Variants in ZSWIM5 observed in about 807,000 individuals in gnomAD.
The protein encoded by ZSWIM5 is zinc finger SWIM-type containing 5.
A neutral mutation model predicts 119.6 loss-of-function variants in ZSWIM5; 55 were observed. That is an observed-to-expected ratio of 0.46 (90% confidence interval 0.37 to 0.58). The LOEUF (loss-of-function observed/expected upper bound fraction) is 0.58, where lower values mean the gene tolerates loss of function less well. Among genes scored for constraint, ZSWIM5 ranks in the 20% least tolerant of loss-of-function variants. The pLI is 0.00. For synonymous variants in ZSWIM5, 537 were observed against 606.9 expected (o/e 0.88, Z 1.69); for missense variants, 1,193 against 1,512.8 (o/e 0.79, Z 3.51).
At chr1:45,122,427 C>A (rs572800316) in intron 1 of ZSWIM5, among the ~76,000 whole-genome samples, 2 of 152,302 alleles carry the variant, frequency 1.3e-5, no homozygotes, top group East Asian at 1.9e-4. Flanking sequence ...CCATTAGTAA[C>A]TTCTTCTGGG....
chr1:45,158,970 AATTTAT>A (rs1216815206), intron 1 of ZSWIM5, among the ~76,000 whole-genome samples: 1 of 152,184 alleles, frequency 6.6e-6, no homozygotes, highest in Non-Finnish European at 1.5e-5. Context: ...AAAGGTGAAT[AATTTAT>A]ATTAGGCTAC....
chr1:45,190,535 C>T (rs919537194), intron 1 of ZSWIM5, among the ~76,000 whole-genome samples: 2 of 152,090 alleles, frequency 1.3e-5, no homozygotes, highest in Non-Finnish European at 2.9e-5. Context: ...AGGAGCGGTT[C>T]CCTTATAGGG....
At chr1:45,100,851 A>G (rs991889508) in intron 1 of ZSWIM5, among the ~76,000 whole-genome samples, 93 of 152,376 alleles carry the variant, frequency 6.1e-4, no homozygotes, top group Non-Finnish European at 9.8e-4. Flanking sequence ...AGCCATATGT[A>G]GAAAGCTGAA....
intron 2 of ZSWIM5, among the ~76,000 whole-genome samples, chr1:45,063,031 T>C (rs1645162344): frequency 6.6e-6 from 1 of 152,200 alleles, no homozygotes; most frequent in African/African-American, 2.4e-5. Flanking sequence ...TGACCATGTG[T>C]AACCAATGCT....
Position 45,036,431 on chromosome 1 carries a change from T to C in ZSWIM5, c.1895-132A>G, listed in dbSNP as rs920420137. ...GTACAGTGGTGCAATCTCAGCTCACTGCAGCCTCCGCCTCCCCGGTTCAAG... is the reference window on the plus strand; with the variant it reads ...GTACAGTGGTGCAATCTCAGCTCACCGCAGCCTCCGCCTCCCCGGTTCAAG... On this transcript the variant is annotated intron_variant, in intron 8 of 13. Transcript: ENST00000359600. 9 of 1,304,988 alleles carry C rather than the reference T, an allele frequency of 6.9e-6. No homozygotes were observed. In the Admixed American group the frequency reaches 2.0e-4, roughly 29 times the overall value. The allele number at this position is 1,304,988 out of a possible 1,614,324, so 80.8% of individuals were successfully genotyped here. A position where few individuals can be genotyped will look rare whatever the true frequency, so the allele number is the denominator to read the frequency against.
intron 5 of ZSWIM5, among the ~76,000 whole-genome samples, chr1:45,044,202 A>AAGAG (rs35643162): frequency 0.78 from 112,272 of 143,698 alleles, 44,407 homozygotes; most frequent in South Asian, 0.94. Flanking sequence ...AAAAAAAAAA[A>AAGAG]AGAGAGAGAG....
At chr1:45,181,331 T>C (rs917800628) in intron 1 of ZSWIM5, among the ~76,000 whole-genome samples, 2 of 151,796 alleles carry the variant, frequency 1.3e-5, no homozygotes, top group African/African-American at 4.8e-5. Context: ...AGAAAGGGTA[T>C]CAGTGATGGA....
In ZSWIM5 at chr1:45,205,935, G is replaced by T; in HGVS notation, c.416C>A (p.Pro139Gln). The change falls in exon 1 of 14, where the codon CCG becomes CAG. Residue 139 changes from proline to glutamine, a missense_variant. Transcript: ENST00000359600. ...AGCGGCGGCCCCGGGGGGTGGCTGC[G>T]GCCCCTCCTCGGCCGGCGAAGCCCC... The part of the protein sequence containing the change: ...AAGASPAEEG[P>Q]QPPPGAAAPA... 1 of 1,186,940 alleles carries T rather than the reference G, an allele frequency of 8.4e-7. No individual in the cohort carries two copies. The highest frequency in any genetic ancestry group is 1.0e-6 in the Non-Finnish European group (1 of 957,072). 73.5% of individuals were successfully genotyped at this position (1,186,940 alleles called of 1,614,324 possible).
At chr1:45,040,937 G>T (rs1447548699) in intron 6 of ZSWIM5, among the ~76,000 whole-genome samples, 1 of 152,130 alleles carries the variant, frequency 6.6e-6, no homozygotes, top group African/African-American at 2.4e-5. Flanking sequence ...GCTGGGCAAA[G>T]AAAGTACAAA....
Position 45,046,819 on chromosome 1 carries a change from T to C in ZSWIM5, c.1433-3424A>G, listed in dbSNP as rs1217224348. Reference sequence around the variant, plus strand: ...GGTGAGCGGATCAGAAGGTCAAGAGTTCGAGACCAGCCAGGCTAACATAGT... The same window carrying C: ...GGTGAGCGGATCAGAAGGTCAAGAGCTCGAGACCAGCCAGGCTAACATAGT... On this transcript the variant is annotated intron_variant, in intron 5 of 13. Coordinates refer to ENST00000359600, the MANE Select transcript of ZSWIM5 (RefSeq NM_020883.2). Among the ~76,000 whole-genome samples, 89 of 150,762 alleles carry C rather than the reference T, an allele frequency of 5.9e-4. 1 individual carries two copies. The highest frequency in any genetic ancestry group is 8.9e-5 in the Non-Finnish European group (6 of 67,740).
At chr1:45,031,766 G>A (rs1159177396) in intron 11 of ZSWIM5, among the ~76,000 whole-genome samples, 3 of 151,328 alleles carry the variant, frequency 2.0e-5, no homozygotes, top group Non-Finnish European at 4.4e-5. Context: ...CATGAACCTA[G>A]GGGGTGGAGC....
chr1:45,118,119 G>A (rs1645569957), intron 1 of ZSWIM5, among the ~76,000 whole-genome samples: 2 of 151,832 alleles, frequency 1.3e-5, no homozygotes, highest in African/African-American at 4.8e-5. Flanking sequence ...AAAAATTCTT[G>A]TTGTAAATCT....
rs533482404 is a variant in ZSWIM5, at chr1:45,191,867, T to A, written c.595+13889A>T. On this transcript the variant is annotated intron_variant, in intron 1 of 13. Coordinates refer to ENST00000359600, the MANE Select transcript of ZSWIM5 (RefSeq NM_020883.2). ...ATAGCTTTATTATATAATTCATACATAATAGAGCTCACCCTTGAGAGGTAC... is the reference window on the plus strand; with the variant it reads ...ATAGCTTTATTATATAATTCATACAAAATAGAGCTCACCCTTGAGAGGTAC... Among the ~76,000 whole-genome samples the A allele has an allele frequency of 8.1e-4, 123 of 152,364 alleles. 1 individual carries two copies. The South Asian group carries it at 0.025, about 31-fold the overall frequency.
At chr1:45,157,911 A>G (rs1451416540) in intron 1 of ZSWIM5, among the ~76,000 whole-genome samples, 15 of 152,124 alleles carry the variant, frequency 9.9e-5, no homozygotes, top group Non-Finnish European at 1.5e-5. Flanking sequence ...CATTTCCCTG[A>G]TGACTAATGA....
chr1:45,158,930 A>G (rs1490404573), intron 1 of ZSWIM5, among the ~76,000 whole-genome samples: 3 of 152,196 alleles, frequency 2.0e-5, no homozygotes, highest in Non-Finnish European at 4.4e-5. Flanking sequence ...AAATCAAATG[A>G]AATTCAGCTG....
chr1:45,184,261 A>C (rs1352167702), intron 1 of ZSWIM5, among the ~76,000 whole-genome samples: 1 of 152,078 alleles, frequency 6.6e-6, no homozygotes, highest in Non-Finnish European at 1.5e-5. Context: ...AAATAATAAG[A>C]GCTATCTATG....
chr1:45,135,708 T>C (rs1645685122), intron 1 of ZSWIM5, among the ~76,000 whole-genome samples: 1 of 152,224 alleles, frequency 6.6e-6, no homozygotes, highest in Non-Finnish European at 1.5e-5. Context: ...CCATTTTTTT[T>C]CTTTGACTTT....
chr1:45,086,754 A>G (rs1336202332), intron 2 of ZSWIM5, among the ~76,000 whole-genome samples: 8 of 152,184 alleles, frequency 5.3e-5, no homozygotes, highest in Non-Finnish European at 1.2e-4. Context: ...CACCTCGTGC[A>G]CATGTACCCC....
chr1:45,127,903 G>A (rs1451177908), intron 1 of ZSWIM5, among the ~76,000 whole-genome samples: 1 of 152,016 alleles, frequency 6.6e-6, no homozygotes, highest in African/African-American at 2.4e-5. Context: ...AAAAGACGAG[G>A]GAGTATAATA....
Sources: allele counts gnomAD v4.1 joint callset (sites outside exome capture counted in the v4.1 genomes callset), GRCh38; gene constraint gnomAD v4.1.1; transcripts MANE v1.5; gene names NCBI Gene and HGNC (gene_info 2026-07-23, HGNC 2026-07-21).